The following PHF21B variants were observed in gnomAD, a reference collection of about 807,000 sequenced individuals.
The protein encoded by PHF21B is PHD finger protein 4.
In PHF21B, 22 loss-of-function variants were observed where a neutral mutation model predicts 62.2. The ratio of observed to expected loss-of-function variants is 0.35; its 90% CI spans 0.25 to 0.51. The LOEUF (loss-of-function observed/expected upper bound fraction) is 0.51, where lower values mean the gene tolerates loss of function less well. Ranked by LOEUF, PHF21B falls within the 20% of genes least tolerant of loss-of-function variation. PHF21B has a pLI of 0.97. For missense variants in PHF21B, 701 were observed against 707.9 expected (o/e 0.99, Z 0.11); for synonymous variants, 341 against 314.7 (o/e 1.08, Z -0.88).
In PHF21B at chr22:44,916,578, T is replaced by G. The variant is rs781571122; in HGVS notation, c.266A>C (p.Asp89Ala). Residue 89 changes from aspartate (D) to alanine (A), a missense_variant, in exon 4 of 13, where the codon GAC (aspartate) becomes GCC (alanine). Coordinates refer to ENST00000313237, the MANE Select transcript of PHF21B (RefSeq NM_138415.5). The stretch of plus-strand genomic sequence containing the variant: ...TGTTGGGGGCTGCTTGGGTGGCCGG[T>G]CCCGGCCCGGGGCAACGGGGAGGCT... Reference protein sequence around the residue: ...PDSLPVAPGRDRPPKQPPTFQ... With the variant: ...PDSLPVAPGRARPPKQPPTFQ... The G allele has an allele frequency of 6.2e-7, 1 of 1,606,400 alleles. No homozygotes were observed. The highest frequency in any genetic ancestry group is 1.1e-5 in the South Asian group (1 of 91,074).
chr22:44,945,721 G>A (rs995764754), intron 2 of PHF21B, among the ~76,000 whole-genome samples: 2 of 23,612 alleles, frequency 8.5e-5, no homozygotes. Flanking sequence ...AGAATTGGGG[G>A]GGGGGTGGTA....
chr22:44,918,864 C>CTCT (rs1487734735), intron 3 of PHF21B, among the ~76,000 whole-genome samples: 1 of 152,216 alleles, frequency 6.6e-6, no homozygotes, highest in African/African-American at 2.4e-5. Context: ...GCCTGCCTTG[C>CTCT]TCTGAAGCCT....
chr22:45,006,731 T>C (rs1223168862), intron 2 of PHF21B, among the ~76,000 whole-genome samples: 1 of 152,126 alleles, frequency 6.6e-6, no homozygotes, highest in African/African-American at 2.4e-5. Context: ...TATTGGATTT[T>C]TTCTTCTTCT....
intron 2 of PHF21B, chr22:45,002,977 C>G (rs1473930435): frequency 6.6e-6 from 1 of 152,260 alleles, no homozygotes; most frequent in Non-Finnish European, 1.5e-5. Flanking sequence ...AACCCCCTCC[C>G]GGAAGCCGTC....
intron 2 of PHF21B, among the ~76,000 whole-genome samples, chr22:44,979,187 G>C (rs760579838): frequency 6.6e-6 from 1 of 152,250 alleles, no homozygotes; most frequent in Non-Finnish European, 1.5e-5. Flanking sequence ...AGAGTGTGGA[G>C]GATCCTCCTG....
intron 2 of PHF21B, among the ~76,000 whole-genome samples, chr22:44,927,922 A>T (rs1406382045): frequency 6.6e-6 from 1 of 152,154 alleles, no homozygotes; most frequent in African/African-American, 2.4e-5. Context: ...AGTCAAAGAT[A>T]ACTTCAAATT....
chr22:44,929,169 C>T lies in PHF21B; in HGVS notation c.121-8679G>A, dbSNP rs186347871. 5.5e-4 allele frequency among the ~76,000 whole-genome samples: 84 copies of T among 152,346 alleles called. 1 individual carries two copies. The highest frequency in any genetic ancestry group is 1.0e-3 in the Non-Finnish European group (68 of 68,038). Reference sequence around the variant, plus strand: ...ACAAGTCAGTTCCAACATCAATAACCGCTAATAAATATTAATATAACATAA... The same window carrying T: ...ACAAGTCAGTTCCAACATCAATAACTGCTAATAAATATTAATATAACATAA... On this transcript the variant is annotated intron_variant, in intron 2 of 12. Transcript: ENST00000313237.
At chr22:44,995,019 G>C (rs1049056390) in intron 2 of PHF21B, among the ~76,000 whole-genome samples, 1 of 152,160 alleles carries the variant, frequency 6.6e-6, no homozygotes, top group Non-Finnish European at 1.5e-5. Context: ...CCAGGTCCCC[G>C]GCTCTCAGAG....
chr22:45,007,793 G>A (rs1192629819), intron 2 of PHF21B, among the ~76,000 whole-genome samples: 2 of 150,860 alleles, frequency 1.3e-5, no homozygotes, highest in Admixed American at 1.3e-4. Flanking sequence ...GGGGGCGGGG[G>A]CGCGCGGCCG....
At chr22:44,901,719 C>T in intron 5 of PHF21B, 1 of 400,388 alleles carries the variant, frequency 2.5e-6, no homozygotes, top group Admixed American at 3.5e-5. Flanking sequence ...AGCTGAAATC[C>T]CATCCTTGTC....
In PHF21B at chr22:44,883,281, G is replaced by C. The variant is rs529164130; in HGVS notation, c.1401C>G (p.Ser467Arg). Reference sequence around the variant, plus strand: ...GGGTGCCCCTCTGGCGGGCCAGCAGGCTTGTCTTCAACTCCAGGCATTTCT... The same window carrying C: ...GGGTGCCCCTCTGGCGGGCCAGCAGCCTTGTCTTCAACTCCAGGCATTTCT... Reference protein sequence around the residue: ...AVQKCLELKTSLLARQRGTQS... With the variant: ...AVQKCLELKTRLLARQRGTQS... The change falls in exon 13 of 13, where the codon AGC becomes AGG. Residue 467 changes from serine to arginine, a missense_variant. Transcript: ENST00000313237. The C allele has an allele frequency of 1.9e-6, 3 of 1,613,804 alleles. No homozygotes were observed. The highest frequency in any genetic ancestry group is 2.7e-5 in the African/African-American group (2 of 75,034).
intron 2 of PHF21B, among the ~76,000 whole-genome samples, chr22:44,931,726 G>C (rs2071747061): frequency 6.6e-6 from 1 of 152,162 alleles, no homozygotes; most frequent in Admixed American, 6.5e-5. Context: ...CTTCTGCACG[G>C]AAGTGGCAGC....
At chr22:44,949,628 T>G (rs984579480) in intron 2 of PHF21B, among the ~76,000 whole-genome samples, 45 of 152,330 alleles carry the variant, frequency 3.0e-4, no homozygotes, top group African/African-American at 1.0e-3. Flanking sequence ...GGGGACTATT[T>G]TTCTAAAAGA....
intron 5 of PHF21B, among the ~76,000 whole-genome samples, chr22:44,913,565 C>A (rs371968934): frequency 6.6e-6 from 1 of 152,234 alleles, no homozygotes; most frequent in Admixed American, 6.5e-5. Context: ...CAGTGCAGGA[C>A]CCATGCAGAA....
chr22:44,967,579 G>C (rs984252230), intron 2 of PHF21B, among the ~76,000 whole-genome samples: 1 of 152,172 alleles, frequency 6.6e-6, no homozygotes, highest in African/African-American at 2.4e-5. Context: ...TTACGGAAAA[G>C]TTATGAAGAT....
chr22:45,009,999 C>A lies in PHF21B; in HGVS notation c.-450G>T. The A allele has an allele frequency of 6.8e-6, 1 of 146,140 alleles. No individual in the cohort carries two copies. Among genetic ancestry groups the A allele is most frequent in the South Asian group, 2.0e-4 (1 of 5,078 alleles). The allele number at this position is 146,140 out of a possible 1,614,324, so 9.1% of individuals were successfully genotyped here. A position where few individuals can be genotyped will look rare whatever the true frequency, so the allele number is the denominator to read the frequency against. On this transcript the variant is annotated 5_prime_UTR_variant, in exon 1 of 13. Coordinates refer to ENST00000313237, the MANE Select transcript of PHF21B (RefSeq NM_138415.5). This position sits in a 1 kb window ranked among gnomAD's most constrained non-coding sequence, Gnocchi z 5.9. ...GTTGTGCCTCGGCACGATGCTAATT[C>A]GGCAGTGCCCGGATGGAGCGGGCCG...
rs527587689 is a variant in PHF21B at position 44,957,599 on chromosome 22, G to A, written c.121-37109C>T. Among the ~76,000 whole-genome samples the A allele has an allele frequency of 7.4e-4, 112 of 152,198 alleles. 1 individual carries two copies. Among genetic ancestry groups the A allele is most frequent in the African/African-American group, 2.7e-3 (111 of 41,512 alleles). On this transcript the variant is annotated intron_variant, in intron 2 of 12. Coordinates refer to ENST00000313237, the MANE Select transcript of PHF21B (RefSeq NM_138415.5). Reference sequence around the variant, plus strand: ...TGCCTTGAGTTCCCATTTGTTTGGCGTTCTGGGTTCCTCCTGCTAATTTTT... The same window carrying A: ...TGCCTTGAGTTCCCATTTGTTTGGCATTCTGGGTTCCTCCTGCTAATTTTT...
In PHF21B at chr22:44,916,339, C is replaced by A. The variant is rs760468264; in HGVS notation, c.505G>T (p.Val169Leu). 10 of 1,599,028 alleles carry A rather than the reference C, an allele frequency of 6.3e-6. No homozygotes were observed. In the East Asian group the frequency reaches 1.8e-4, roughly 29 times the overall value. Residue 169 changes from valine to leucine, a missense_variant, in exon 4 of 13, where the codon GTG becomes TTG. Physicochemically the swap from Val to Leu is conservative, Grantham distance 32 (BLOSUM62 1). Transcript: ENST00000313237. ...TTGATGCTGTCACTGACCACAGACA[C>A]GGCGGTGCTGGGGGCCATGGCGGCG... Reference protein sequence around the residue: ...NAAAMAPSTAVSVVSDSIKVQ... With the variant: ...NAAAMAPSTALSVVSDSIKVQ...
intron 2 of PHF21B, among the ~76,000 whole-genome samples, chr22:44,927,010 G>A (rs574646713): frequency 3.7e-4 from 56 of 152,130 alleles, no homozygotes; most frequent in Admixed American, 3.9e-4. Context: ...AAGGCTCGAC[G>A]CTCCCTCCTG....
Sources: gnomAD v4.1 joint callset for allele counts (sites outside exome capture counted in the v4.1 genomes callset) on GRCh38, gnomAD v4.1.1 for gene constraint, Gnocchi (gnomAD v3.1) non-coding constraint, MANE v1.5 for transcripts, NCBI Gene and HGNC (gene_info 2026-07-23, HGNC 2026-07-21) for gene names.